Variants in CCDC81 observed in about 807,000 individuals in gnomAD.
CCDC81 encodes coiled-coil domain-containing protein 81.
A neutral mutation model predicts 83.7 loss-of-function variants in CCDC81; 79 were observed. The observed-to-expected ratio is 0.94, with a 90% confidence interval of 0.79 to 1.14. The LOEUF (loss-of-function observed/expected upper bound fraction) is 1.14. Among genes scored for constraint, CCDC81 ranks in the 50% most tolerant of loss-of-function variants. CCDC81 has a pLI of 0.00. For missense variants in CCDC81, 791 were observed against 778.1 expected (o/e 1.02, Z -0.20); for synonymous variants, 252 against 278.1 (o/e 0.91, Z 0.93).
chr11:86,422,199 A>G (rs1472184916), intron 14 of CCDC81, among the ~76,000 whole-genome samples: 1 of 152,156 alleles, frequency 6.6e-6, no homozygotes, highest in East Asian at 1.9e-4. Flanking sequence ...TGCCTCTCAA[A>G]TACTGTCTCC....
intron 6 of CCDC81, among the ~76,000 whole-genome samples, chr11:86,399,290 G>C (rs1290015065): frequency 1.3e-5 from 2 of 152,042 alleles, no homozygotes; most frequent in African/African-American, 2.4e-5. Context: ...GTGCCCTATA[G>C]AGACCCCTTT....
chr11:86,408,288 T>C lies in CCDC81; in HGVS notation c.1113+18T>C. On this transcript the variant is annotated intron_variant, in intron 9 of 14. Transcript: ENST00000445632. ...GACACCAGGTAGTCCAACACCTCGA[T>C]TAGTCTTTAATATGGGGCAATAGAA... is the stretch of plus-strand genomic sequence containing the variant. 5.6e-6 allele frequency: 9 copies of C among 1,599,120 alleles called. No homozygotes were observed. The highest frequency in any genetic ancestry group is 7.7e-6 in the Non-Finnish European group (9 of 1,174,076).
chr11:86,391,377 T>C (rs1565760615), intron 3 of CCDC81, among the ~76,000 whole-genome samples: 1 of 152,244 alleles, frequency 6.6e-6, no homozygotes, highest in East Asian at 1.9e-4. Flanking sequence ...GTTTAGAATA[T>C]TCTCATCTTC....
intron 1 of CCDC81, among the ~76,000 whole-genome samples, chr11:86,383,421 C>A (rs1337518144): frequency 1.3e-5 from 2 of 152,136 alleles, no homozygotes; most frequent in African/African-American, 4.8e-5. Context: ...ATTTACAGAA[C>A]AGGCATGTAG....
chr11:86,417,934 A>G (rs992004924), intron 13 of CCDC81, among the ~76,000 whole-genome samples: 2 of 152,028 alleles, frequency 1.3e-5, no homozygotes, highest in African/African-American at 4.8e-5. Flanking sequence ...CATTTGAAAT[A>G]TTACCAGAAA....
intron 13 of CCDC81, among the ~76,000 whole-genome samples, chr11:86,418,810 A>G (rs912449737): frequency 3.3e-5 from 5 of 152,188 alleles, no homozygotes; most frequent in African/African-American, 1.2e-4. Context: ...GAATGTATTT[A>G]ACACTAAGTA....
At chr11:86,420,360 G>T (rs1344571751) in intron 14 of CCDC81, among the ~76,000 whole-genome samples, 3 of 152,142 alleles carry the variant, frequency 2.0e-5, no homozygotes, top group Admixed American at 2.0e-4. Context: ...TTGGAAGTAG[G>T]GGGAGTGAGT....
intron 9 of CCDC81, 75 bp from the exon 10 acceptor site, chr11:86,409,186 T>G: frequency 3.0e-6 from 2 of 666,534 alleles, no homozygotes; most frequent in Admixed American, 7.5e-5. Context: ...GTAATAGAAT[T>G]AAAATTTTTG....
chr11:86,385,161 G>A, intron 1 of CCDC81, among the ~76,000 whole-genome samples: 1 of 152,240 alleles, frequency 6.6e-6, no homozygotes, highest in Admixed American at 6.5e-5. Flanking sequence ...GCCGAGGCGG[G>A]TGGATCACCT....
At chr11:86,396,452 G>A (rs1019393034) in intron 5 of CCDC81, among the ~76,000 whole-genome samples, 2 of 152,084 alleles carry the variant, frequency 1.3e-5, no homozygotes, top group Admixed American at 6.6e-5. Flanking sequence ...CATTTCAGGT[G>A]GAGGAAGTTT....
chr11:86,421,696 T>G (rs1565774040), intron 14 of CCDC81, among the ~76,000 whole-genome samples: 1 of 152,184 alleles, frequency 6.6e-6, no homozygotes, highest in Non-Finnish European at 1.5e-5. Context: ...GCAGATGGAT[T>G]GCTAGAGTTC....
chr11:86,420,640 C>T (rs1160367020), intron 14 of CCDC81, among the ~76,000 whole-genome samples: 1 of 152,150 alleles, frequency 6.6e-6, no homozygotes, highest in Admixed American at 6.5e-5. Flanking sequence ...TCTATACAAT[C>T]AAGTTATTAA....
chr11:86,407,736 A>G, intron 8 of CCDC81, 35 bp downstream of exon 8: 1 of 1,484,354 alleles, frequency 6.7e-7, no homozygotes, highest in Non-Finnish European at 9.4e-7. Flanking sequence ...TCCCATCAGA[A>G]TCTTATACTG....
intron 13 of CCDC81, among the ~76,000 whole-genome samples, chr11:86,417,872 T>C (rs1378562924): frequency 3.3e-5 from 5 of 152,052 alleles, no homozygotes; most frequent in Non-Finnish European, 5.9e-5. Flanking sequence ...CTCAGCCTCA[T>C]GAGTAGCTGG....
chr11:86,395,337 C>T lies in CCDC81; in HGVS notation c.559C>T (p.Pro187Ser). Residue 187 changes from proline (P) to serine (S), a missense_variant, in exon 5 of 15, where the codon CCT becomes TCT. Coordinates refer to ENST00000445632, the MANE Select transcript of CCDC81 (RefSeq NM_001156474.2). ...TTGCTCTGTTGCTGTCCTCTAGAGG[C>T]CTGGCACTGTGGACTCGGTGTTGTC... ...GALAKALANR[P>S]GTVDSVLSSR... is the part of the protein sequence containing the mutation. 1.2e-6 allele frequency: 2 copies of T among 1,613,904 alleles called. No individual in the cohort carries two copies. The highest frequency in any genetic ancestry group is 2.2e-5 in the East Asian group (1 of 44,880).
intron 14 of CCDC81, among the ~76,000 whole-genome samples, chr11:86,421,545 C>T (rs1001905161): frequency 2.6e-5 from 4 of 152,304 alleles, no homozygotes; most frequent in South Asian, 2.1e-4. Flanking sequence ...CTCCTGACCT[C>T]GCAATCCGCC....
Position 86,386,051 on chromosome 11 carries a change from A to G in CCDC81, c.80A>G (p.Glu27Gly). 1.3e-6 allele frequency: 2 copies of G among 1,517,930 alleles called. No homozygotes were observed. Among genetic ancestry groups the G allele is most frequent in the Non-Finnish European group, 1.8e-6 (2 of 1,113,160 alleles). The allele number at this position is 1,517,930 out of a possible 1,614,324, so 94.0% of individuals were successfully genotyped here. A position where few individuals can be genotyped will look rare whatever the true frequency, so the allele number is the denominator to read the frequency against. Residue 27 changes from glutamate (E) to glycine (G), a missense_variant and splice_region_variant, in exon 2 of 15, where the codon GAA (glutamate) becomes GGA (glycine). Coordinates refer to ENST00000445632, the MANE Select transcript of CCDC81 (RefSeq NM_001156474.2). ...ATTTCTGGTTACTTTTGAATTTCAG[A>G]AGTCTCTATTATCTGGGGGAATGTA... is the stretch of plus-strand genomic sequence containing the variant. ...LPTLPSLSQE[E>G]VSIIWGNVSE... is the part of the protein sequence containing the mutation.
At chr11:86,387,707 G>C in intron 3 of CCDC81, 35 bp downstream of exon 3, 1 of 1,468,058 alleles carries the variant, frequency 6.8e-7, no homozygotes, top group Non-Finnish European at 9.4e-7. Context: ...TTTCCCAGAA[G>C]GTTACTGTCC....
intron 4 of CCDC81, 45 bp from the exon 5 acceptor site, chr11:86,395,289 T>C: frequency 6.6e-7 from 1 of 1,511,024 alleles, no homozygotes; most frequent in Non-Finnish European, 9.2e-7. Flanking sequence ...GTCTGAGTCC[T>C]GGACCTCAGC....
Sources: allele counts gnomAD v4.1 joint callset (sites outside exome capture counted in the v4.1 genomes callset), GRCh38; gene constraint gnomAD v4.1.1; transcripts MANE v1.5; gene names NCBI Gene and HGNC (gene_info 2026-07-23, HGNC 2026-07-21).